KPNB1: variants seen among roughly 807,000 people sequenced by gnomAD.
KPNB1 encodes karyopherin subunit beta 1.
In KPNB1, 7 loss-of-function variants were observed where a neutral mutation model predicts 113.0. The observed-to-expected ratio is 0.06, with a 90% CI of 0.04 to 0.12. The LOEUF (loss-of-function observed/expected upper bound fraction) is 0.12, where lower values mean the gene tolerates loss of function less well. Among genes scored for constraint, KPNB1 ranks in the 10% least tolerant of loss-of-function variants. KPNB1 has a pLI of 1.00. For synonymous variants in KPNB1, 363 were observed against 378.6 expected, an observed-to-expected ratio of 0.96 and a Z score of 0.48; for missense variants, 400 against 1,054.8, an observed-to-expected ratio of 0.38 and a Z score of 8.60.
intron 7 of KPNB1, among the ~76,000 whole-genome samples, chr17:47,663,578 C>T (rs1012129533): frequency 2.6e-5 from 4 of 152,076 alleles, no homozygotes; most frequent in South Asian, 2.1e-4. Context: ...GCTGGAGAAT[C>T]GCTTGAACCC....
intron 6 of KPNB1, 90 bp downstream of exon 6, chr17:47,661,268 G>C: frequency 1.0e-6 from 1 of 953,224 alleles, no homozygotes; most frequent in Non-Finnish European, 1.7e-6. Context: ...GGAATCAGTT[G>C]ACTTCAGCAA....
intron 6 of KPNB1, among the ~76,000 whole-genome samples, chr17:47,662,833 A>G (rs1270138011): frequency 6.6e-6 from 1 of 152,126 alleles, no homozygotes; most frequent in Non-Finnish European, 1.5e-5. Context: ...CAGTGAGCCA[A>G]GATCATGCCA....
chr17:47,669,228 C>G (rs775578838), intron 10 of KPNB1, among the ~76,000 whole-genome samples: 101 of 152,118 alleles, frequency 6.6e-4, no homozygotes, highest in Non-Finnish European at 1.1e-3. Context: ...CGTGCCTCAG[C>G]CCCCTGAGTA....
intron 3 of KPNB1, among the ~76,000 whole-genome samples, chr17:47,655,496 T>C (rs577803343): frequency 5.9e-5 from 9 of 152,344 alleles, no homozygotes; most frequent in African/African-American, 1.7e-4. Flanking sequence ...GTTGTTTTTG[T>C]ATTTAGTGAT....
In KPNB1 at chr17:47,680,686, A is replaced by C. The variant is rs539220139; in HGVS notation, c.2630+17A>C. 1 of 1,610,566 alleles carries C rather than the reference A, an allele frequency of 6.2e-7. No individual in the cohort carries two copies. Among genetic ancestry groups the C allele is most frequent in the East Asian group, 2.2e-5 (1 of 44,806 alleles). On this transcript the variant is annotated intron_variant, in intron 21 of 21. Coordinates refer to ENST00000290158, the MANE Select transcript of KPNB1 (RefSeq NM_002265.6). ...CCAAGCTTGGTAAGATCTTGCCTCC[A>C]CTGTCCTCTTTCTTCTACTTCCTGG...
At chr17:47,670,626 T>C in intron 11 of KPNB1, 76 bp from the exon 12 acceptor site, 1 of 1,461,502 alleles carries the variant, frequency 6.8e-7, no homozygotes, top group Non-Finnish European at 9.2e-7. Context: ...CGGCCCAAAG[T>C]ATCTTAATGA....
intron 4 of KPNB1, 29 bp downstream of exon 4, chr17:47,657,089 A>G (rs747330065): frequency 1.9e-6 from 3 of 1,582,738 alleles, no homozygotes; most frequent in South Asian, 2.2e-5. Context: ...TATCTGGTTT[A>G]TATACCTCTG....
intron 5 of KPNB1, among the ~76,000 whole-genome samples, 200 bp downstream of exon 5, chr17:47,658,860 A>G (rs966146732): frequency 2.0e-5 from 3 of 152,172 alleles, no homozygotes; most frequent in African/African-American, 7.2e-5. Context: ...GCTTTTGGAA[A>G]TAAAGTGTTT....
At chr17:47,651,228 C>T in intron 2 of KPNB1, 1 of 985,256 alleles carries the variant, frequency 1.0e-6, no homozygotes, top group Non-Finnish European at 1.2e-6. Flanking sequence ...GAAGCTAAGT[C>T]CGCTAGAGAC....
chr17:47,653,271 A>ATTTTT (rs3067142), intron 3 of KPNB1, among the ~76,000 whole-genome samples: 39,313 of 108,274 alleles, frequency 0.36, 5,891 homozygotes, highest in African/African-American at 0.39. Context: ...AGCTCAGGGA[A>ATTTTT]TTTTTTTTTT....
At chr17:47,654,894 G>T (rs1915677430) in intron 3 of KPNB1, among the ~76,000 whole-genome samples, 1 of 152,044 alleles carries the variant, frequency 6.6e-6, no homozygotes, top group African/African-American at 2.4e-5. Flanking sequence ...TCATTCCCTC[G>T]TGTCTTTGAC....
At chr17:47,671,430 A>G (rs2030443144) in intron 12 of KPNB1, among the ~76,000 whole-genome samples, 2 of 152,170 alleles carry the variant, frequency 1.3e-5, no homozygotes, top group Non-Finnish European at 2.9e-5. Context: ...ATTTTGCAGC[A>G]TTGACAGTTA....
chr17:47,668,930 G>A (rs1205458633), intron 10 of KPNB1, among the ~76,000 whole-genome samples: 1 of 150,952 alleles, frequency 6.6e-6, no homozygotes, highest in East Asian at 1.9e-4. Flanking sequence ...TCGTGCCATT[G>A]CACTCCAGCC....
intron 8 of KPNB1, among the ~76,000 whole-genome samples, 164 bp from the exon 9 acceptor site, chr17:47,664,893 A>T (rs956094119): frequency 2.0e-5 from 3 of 152,298 alleles, no homozygotes; most frequent in African/African-American, 7.2e-5. Context: ...ATTCTCACTG[A>T]AGTAGACCAA....
intron 8 of KPNB1, 65 bp from the exon 9 acceptor site, chr17:47,664,992 A>G: frequency 1.8e-6 from 2 of 1,121,236 alleles, no homozygotes; most frequent in Admixed American, 1.7e-5. Context: ...TTCGGCTCTC[A>G]TTGTATGCCT....
At chr17:47,666,205 A>T (rs2030263322) in intron 9 of KPNB1, among the ~76,000 whole-genome samples, 1 of 151,838 alleles carries the variant, frequency 6.6e-6, no homozygotes, top group Non-Finnish European at 1.5e-5. Flanking sequence ...GGTGCGCACC[A>T]CCACGCCCAG....
At position 47,664,355 on chromosome 17, in the gene KPNB1, T is replaced by TA; in HGVS notation, c.897+86_897+87insA. 3.3e-6 allele frequency: 3 copies of TA among 912,918 alleles called. No individual in the cohort carries two copies. The Middle Eastern group carries it at 6.6e-4, about 200-fold the overall frequency. The allele number at this position is 912,918 out of a possible 1,614,324, so 56.6% of individuals were successfully genotyped here. A position where few individuals can be genotyped will look rare whatever the true frequency, so the allele number is the denominator to read the frequency against. On this transcript the variant is annotated intron_variant, in intron 8 of 21. Transcript: ENST00000290158. The stretch of plus-strand genomic sequence containing the variant: ...TGTTCCCCTTCTAGGAGAACTTTAT[T>TA]CTGTCTGGGTTTAGAGGGTATCTCC...
At chr17:47,670,461 T>G (rs1160941357) in intron 11 of KPNB1, 1 of 338,026 alleles carries the variant, frequency 3.0e-6, no homozygotes, top group African/African-American at 2.1e-5. Context: ...ATGGCAGGTA[T>G]TGGTGAAAGT....
At position 47,682,430 on chromosome 17, in the gene KPNB1, G is replaced by C. The variant is rs768678591; in HGVS notation, c.*26G>C. On this transcript the variant is annotated 3_prime_UTR_variant, in exon 22 of 22. Transcript: ENST00000290158. ...TCTGTTACCATTGGGATGATAACCT[G>C]AGGACCCCCACTGGAAATCTCCCAT... 45 of 780,238 alleles carry C rather than the reference G, an allele frequency of 5.8e-5. No homozygotes were observed. The East Asian group carries it at 1.1e-3, about 19-fold the overall frequency. The allele number at this position is 780,238 out of a possible 1,614,324, so 48.3% of individuals were successfully genotyped here. A position where few individuals can be genotyped will look rare whatever the true frequency, so the allele number is the denominator to read the frequency against.
Sources: allele counts gnomAD v4.1 joint callset (sites outside exome capture counted in the v4.1 genomes callset), GRCh38; gene constraint gnomAD v4.1.1; transcripts MANE v1.5; gene names NCBI Gene and HGNC (gene_info 2026-07-23, HGNC 2026-07-21).